Variants in SCML2 observed in about 807,000 individuals in gnomAD.
SCML2 encodes Scm polycomb group protein like 2, also known as sex comb on midleg-like protein 2.
A neutral mutation model predicts 48.4 loss-of-function variants in SCML2; 6 were observed. The observed-to-expected ratio is 0.12, with a 90% CI of 0.07 to 0.24. The LOEUF is 0.24. Among genes scored for constraint, SCML2 ranks in the 10% least tolerant of loss-of-function variants. SCML2 has a pLI of 1.00. For synonymous variants in SCML2, 181 were observed against 189.5 expected (o/e 0.95, Z 0.37); for missense variants, 377 against 528.2 (o/e 0.71, Z 2.81).
In SCML2 at chrX:18,319,601, A is replaced by C. The variant is rs191221588; in HGVS notation, c.486+731T>G. Among the ~76,000 whole-genome samples, 261 of 108,360 alleles carry C rather than the reference A, an allele frequency of 2.4e-3. 2 individuals carry two copies. Among genetic ancestry groups the C allele is most frequent in the Middle Eastern group, 4.7e-3 (1 of 213 alleles). 94.1% of individuals were successfully genotyped at this position (108,360 alleles called of 115,157 possible). A position where few individuals can be genotyped will look rare whatever the true frequency, so the allele number is the denominator to read the frequency against. ...GACAGGTGAGACTCTGTCTCAAAAA[A>C]AAAAAACAAAAAAAAAAAAACCTGC... On this transcript the variant is annotated intron_variant, in intron 6 of 14. Coordinates refer to ENST00000251900, the MANE Select transcript of SCML2 (RefSeq NM_006089.3).
At chrX:18,276,037 G>A (rs1051445491) in intron 7 of SCML2, among the ~76,000 whole-genome samples, 1 of 112,273 alleles carries the variant, frequency 8.9e-6, no homozygotes, top group South Asian at 3.7e-4. Context: ...AGTGGCTCAC[G>A]CCTGTAATCC....
intron 1 of SCML2, among the ~76,000 whole-genome samples, chrX:18,344,155 G>T (rs1754410188): frequency 9.2e-6 from 1 of 109,215 alleles, no homozygotes; most frequent in Admixed American, 9.9e-5. Context: ...GCAACATAGT[G>T]AGACCCTGTC....
chrX:18,251,337 A>G (rs899814198), intron 11 of SCML2, among the ~76,000 whole-genome samples: 1 of 104,965 alleles, frequency 9.5e-6, no homozygotes, highest in Non-Finnish European at 1.9e-5. Context: ...AAAAAAAAAA[A>G]GTAGGAAGTG....
chrX:18,281,405 A>C (rs768077199), intron 7 of SCML2, among the ~76,000 whole-genome samples: 7 of 111,727 alleles, frequency 6.3e-5, no homozygotes, highest in African/African-American at 2.3e-4. Flanking sequence ...AGTTACAAAG[A>C]TCTCAAATTA....
At chrX:18,255,113 G>GAA (rs200019173) in intron 11 of SCML2, among the ~76,000 whole-genome samples, 1 of 108,425 alleles carries the variant, frequency 9.2e-6, no homozygotes, top group African/African-American at 3.4e-5. Flanking sequence ...CCTGAAGAAG[G>GAA]AAAAAAAAAG....
At chrX:18,309,848 T>G (rs1414596051) in intron 6 of SCML2, among the ~76,000 whole-genome samples, 1 of 110,969 alleles carries the variant, frequency 9.0e-6, no homozygotes, top group Admixed American at 9.6e-5. Flanking sequence ...GGTGATAAAA[T>G]AATCTGTGCC....
chrX:18,308,523 T>C (rs761886759), intron 6 of SCML2, among the ~76,000 whole-genome samples: 38 of 111,450 alleles, frequency 3.4e-4, no homozygotes, highest in Non-Finnish European at 5.5e-4. Flanking sequence ...AAGACCTGAA[T>C]AGACATTTCT....
chrX:18,290,387 T>C (rs1169667755), intron 7 of SCML2, among the ~76,000 whole-genome samples: 2 of 111,675 alleles, frequency 1.8e-5, no homozygotes, highest in African/African-American at 6.5e-5. Context: ...ACGGTTCCCT[T>C]TGGACCAGAA....
intron 6 of SCML2, among the ~76,000 whole-genome samples, chrX:18,313,010 CGTGTGT>C (rs72363939): frequency 9.5e-6 from 1 of 105,165 alleles, no homozygotes; most frequent in Non-Finnish European, 2.0e-5. Context: ...TGTGTGTGCG[CGTGTGT>C]GTGTGTATGT....
chrX:18,310,687 GC>G (rs1928922915), intron 6 of SCML2, among the ~76,000 whole-genome samples: 1 of 110,771 alleles, frequency 9.0e-6, no homozygotes, highest in Non-Finnish European at 1.9e-5. Flanking sequence ...CTGGGCTCAA[GC>G]AGTCCTCCTG....
At chrX:18,289,813 C>T (rs1336420627) in intron 7 of SCML2, among the ~76,000 whole-genome samples, 1 of 111,456 alleles carries the variant, frequency 9.0e-6, no homozygotes, top group Non-Finnish European at 1.9e-5. Flanking sequence ...CTGCGCATAC[C>T]TGAACAAAGA....
intron 12 of SCML2, 49 bp downstream of exon 12, chrX:18,247,720 A>G (rs1221733360): frequency 1.1e-6 from 1 of 933,418 alleles, no homozygotes; most frequent in Admixed American, 2.3e-5. Context: ...CATAAGTGGT[A>G]GCAGAGAAAC....
At chrX:18,316,665 C>T (rs923223340) in intron 6 of SCML2, among the ~76,000 whole-genome samples, 1 of 112,001 alleles carries the variant, frequency 8.9e-6, no homozygotes, top group Non-Finnish European at 1.9e-5. Flanking sequence ...CCCAACCCCC[C>T]AGACTGGTAC....
intron 4 of SCML2, 59 bp downstream of exon 4, chrX:18,324,848 G>A: frequency 1.1e-6 from 1 of 871,889 alleles, no homozygotes; most frequent in Non-Finnish European, 1.7e-6. Context: ...CAATCACACA[G>A]ACGTCCTCCA....
At chrX:18,336,078 A>C (rs1368737501) in intron 1 of SCML2, among the ~76,000 whole-genome samples, 1 of 111,923 alleles carries the variant, frequency 8.9e-6, no homozygotes, top group Non-Finnish European at 1.9e-5. Flanking sequence ...ATAGACCCAC[A>C]AATATTTGGT....
chrX:18,341,331 G>C (rs920946165), intron 1 of SCML2: 2 of 402,174 alleles, frequency 5.0e-6, no homozygotes, highest in Middle Eastern at 9.1e-4. Flanking sequence ...CAGGAGAAGC[G>C]GGTGAAATTT....
chrX:18,265,769 G>T lies in SCML2; in HGVS notation c.764C>A (p.Ser255Tyr). Residue 255 changes from serine to tyrosine, a missense_variant, in exon 8 of 15, where the codon TCT (serine) becomes TAT (tyrosine). Ser to Tyr is a moderately radical substitution (Grantham distance 144). Coordinates refer to ENST00000251900, the MANE Select transcript of SCML2 (RefSeq NM_006089.3). Reference protein sequence around the residue: ...PIVKNIAKTESSPSEASQHSM... With the variant: ...PIVKNIAKTEYSPSEASQHSM... ...ATGCTGGCTTGCTTCGGAAGGAGAA[G>T]ACTCTGTTTTTGCTATATTCTTTAC... 8.3e-7 allele frequency: 1 copy of T among 1,208,471 alleles called. No individual in the cohort carries two copies.
chrX:18,332,806 C>T (rs1452509936), intron 2 of SCML2, among the ~76,000 whole-genome samples: 1 of 109,637 alleles, frequency 9.1e-6, no homozygotes, highest in Non-Finnish European at 1.9e-5. Context: ...AAGACCCAGT[C>T]TCCACAAAAA....
intron 13 of SCML2, among the ~76,000 whole-genome samples, chrX:18,245,801 G>A (rs904312249): frequency 8.9e-6 from 1 of 111,822 alleles, no homozygotes; most frequent in Non-Finnish European, 1.9e-5. Context: ...ATGCAATGGC[G>A]CAATCTCGGC....
Sources: allele counts gnomAD v4.1 joint callset (sites outside exome capture counted in the v4.1 genomes callset), GRCh38; gene constraint gnomAD v4.1.1; transcripts MANE v1.5; gene names NCBI Gene and HGNC (gene_info 2026-07-23, HGNC 2026-07-21).